The following ATP2C1 variants were observed in gnomAD, a reference collection of about 807,000 sequenced individuals.
ATP2C1 encodes the protein calcium-transporting ATPase type 2C member 1.
A neutral mutation model predicts 120.5 loss-of-function variants in ATP2C1; 31 were observed. The observed-to-expected ratio is 0.26, with a 90% confidence interval of 0.19 to 0.35. ATP2C1 has a LOEUF of 0.35. ATP2C1 is among the 10% of genes least tolerant of loss of function. ATP2C1 has a pLI of 1.00. For synonymous variants in ATP2C1, 351 were observed against 358.7 expected (o/e 0.98, Z 0.24); for missense variants, 731 against 1,107.5 (o/e 0.66, Z 4.83).
At position 130,996,697 on chromosome 3, in the gene ATP2C1, C is replaced by G; in HGVS notation, c.2144C>G (p.Thr715Ser). The change falls in exon 24 of 28, where the codon ACT becomes AGT. Residue 715 changes from threonine (T) to serine (S), a missense_variant. Physicochemically the swap from Thr to Ser is moderately conservative, Grantham distance 58. Coordinates refer to ENST00000510168, the MANE Select transcript of ATP2C1 (RefSeq NM_001378687.1). The stretch of plus-strand genomic sequence containing the variant: ...TTCAACAGGAGTATAGCAGCATTAA[C>G]TTTAATCTCATTGGCTACATTAATG... ...FQLSTSIAAL[T>S]LISLATLMNF... The G allele has an allele frequency of 6.2e-7, 1 of 1,607,154 alleles. No homozygotes were observed.
chr3:130,906,417 C>T (rs1288021616), intron 2 of ATP2C1, among the ~76,000 whole-genome samples: 1 of 152,044 alleles, frequency 6.6e-6, no homozygotes, highest in Non-Finnish European at 1.5e-5. Context: ...TATGGATATA[C>T]ACATTTTGTT....
At chr3:130,948,633 G>A (rs1220415889) in intron 8 of ATP2C1, among the ~76,000 whole-genome samples, 2 of 151,672 alleles carry the variant, frequency 1.3e-5, no homozygotes, top group Non-Finnish European at 2.9e-5. Flanking sequence ...TCTTTCTGTC[G>A]CCTTCTCTTT....
At chr3:130,861,019 C>T (rs2067996952) in intron 1 of ATP2C1, among the ~76,000 whole-genome samples, 1 of 152,142 alleles carries the variant, frequency 6.6e-6, no homozygotes, top group South Asian at 2.1e-4. Context: ...CCTGTATTCC[C>T]AACACTTTGA....
chr3:130,918,448 T>G, intron 2 of ATP2C1: 1 of 858,502 alleles, frequency 1.2e-6, no homozygotes, highest in South Asian at 1.3e-5. Context: ...CTGGAACACT[T>G]CTCAGCACCT....
In ATP2C1 at chr3:130,894,120, C is replaced by T; in HGVS notation, c.-398C>T. On this transcript the variant is annotated 5_prime_UTR_variant, in exon 1 of 28. Transcript: ENST00000510168. The surrounding 1 kb of genome is among the most constrained non-coding windows in gnomAD (Gnocchi z 4.5). Reference sequence around the variant, plus strand: ...GCCTCGCGGAGCCGGCCCGGCGGACCGTGACGGGTCCCCTCACCTCCTCTT... The same window carrying T: ...GCCTCGCGGAGCCGGCCCGGCGGACTGTGACGGGTCCCCTCACCTCCTCTT... 1 of 968,228 alleles carries T rather than the reference C, an allele frequency of 1.0e-6. No individual in the cohort carries two copies. Among genetic ancestry groups the T allele is most frequent in the South Asian group, 4.8e-5 (1 of 21,016 alleles). 60.0% of individuals were successfully genotyped at this position (968,228 alleles called of 1,614,324 possible). A position where few individuals can be genotyped will look rare whatever the true frequency, so the allele number is the denominator to read the frequency against.
At chr3:130,911,359 C>T (rs1443029025) in intron 2 of ATP2C1, among the ~76,000 whole-genome samples, 1 of 150,058 alleles carries the variant, frequency 6.7e-6, no homozygotes, top group Non-Finnish European at 1.5e-5. Flanking sequence ...ATTAGTCTTG[C>T]TAGTGGTCTA....
intron 1 of ATP2C1, among the ~76,000 whole-genome samples, chr3:130,851,391 C>T (rs2067670080): frequency 1.3e-5 from 2 of 152,268 alleles, no homozygotes; most frequent in Non-Finnish European, 2.9e-5. Flanking sequence ...CATTAACAAG[C>T]TATAAAGATC....
intron 18 of ATP2C1, among the ~76,000 whole-genome samples, chr3:130,976,146 C>A (rs1156976433): frequency 6.6e-6 from 1 of 152,090 alleles, no homozygotes; most frequent in East Asian, 1.9e-4. Context: ...AGTTGGCTTC[C>A]TTAATTTTAT....
intron 12 of ATP2C1, among the ~76,000 whole-genome samples, chr3:130,962,646 A>G (rs1358765595): frequency 6.6e-6 from 1 of 150,882 alleles, no homozygotes; most frequent in South Asian, 2.1e-4. Context: ...ACTTAAATAT[A>G]AAAGATTGAA....
intron 1 of ATP2C1, among the ~76,000 whole-genome samples, chr3:130,856,535 A>G (rs2067847046): frequency 1.3e-5 from 2 of 152,234 alleles, no homozygotes; most frequent in Non-Finnish European, 1.5e-5. Flanking sequence ...GTGTATACCA[A>G]AGCTATTCAT....
chr3:130,863,364 A>T (rs1482243649), intron 1 of ATP2C1, among the ~76,000 whole-genome samples: 1 of 152,098 alleles, frequency 6.6e-6, no homozygotes, highest in African/African-American at 2.4e-5. Flanking sequence ...ATACAAATAG[A>T]TCTCTATACT....
At chr3:130,880,719 T>C (rs957467337) in intron 1 of ATP2C1, among the ~76,000 whole-genome samples, 1 of 152,230 alleles carries the variant, frequency 6.6e-6, no homozygotes, top group Non-Finnish European at 1.5e-5. Context: ...AACCATCTCA[T>C]TGATATGGGT....
At chr3:130,934,853 C>A (rs951910917) in intron 5 of ATP2C1, 142 bp downstream of exon 5, 2 of 674,746 alleles carry the variant, frequency 3.0e-6, no homozygotes, top group East Asian at 5.5e-5. Context: ...CTTTTTGTTG[C>A]GACAGTTTCT....
chr3:130,861,412 C>T (rs1395875815), intron 1 of ATP2C1, among the ~76,000 whole-genome samples: 1 of 152,174 alleles, frequency 6.6e-6, no homozygotes, highest in Non-Finnish European at 1.5e-5. Context: ...TATTCAGAGT[C>T]AGAAGGCGTA....
At position 130,894,465 on chromosome 3, in the gene ATP2C1, A is replaced by C; in HGVS notation, c.-180-125A>C. 1 of 1,333,282 alleles carries C rather than the reference A, an allele frequency of 7.5e-7. No individual in the cohort carries two copies. The highest frequency in any genetic ancestry group is 9.6e-7 in the Non-Finnish European group (1 of 1,037,570). The allele number at this position is 1,333,282 out of a possible 1,614,324, so 82.6% of individuals were successfully genotyped here. A position where few individuals can be genotyped will look rare whatever the true frequency, so the allele number is the denominator to read the frequency against. On this transcript the variant is annotated intron_variant, in intron 1 of 27. Coordinates refer to ENST00000510168, the MANE Select transcript of ATP2C1 (RefSeq NM_001378687.1). This position sits in a 1 kb window ranked among gnomAD's most constrained non-coding sequence, Gnocchi z 4.5. ...GCCGCCCCGCTGGCGTGAGCTGGGG[A>C]CGTTGCGGGCACACGACGGGGCGGG...
chr3:130,969,815 A>G (rs2061215796), intron 17 of ATP2C1, among the ~76,000 whole-genome samples: 1 of 152,228 alleles, frequency 6.6e-6, no homozygotes, highest in South Asian at 2.1e-4. Context: ...TTTGAAAAGT[A>G]GTTTGCAAAT....
Position 131,002,188 on chromosome 3 carries a change from G to A in ATP2C1, c.*838G>A. On this transcript the variant is annotated 3_prime_UTR_variant, in exon 28 of 28. Transcript: ENST00000510168. Reference sequence around the variant, plus strand: ...TATATTAACATGTCTTCCTTTTTGAGGTAAAGATATATACTTTGTCAAATA... The same window carrying A: ...TATATTAACATGTCTTCCTTTTTGAAGTAAAGATATATACTTTGTCAAATA... 1 of 972,710 alleles carries A rather than the reference G, an allele frequency of 1.0e-6. No individual in the cohort carries two copies. The highest frequency in any genetic ancestry group is 1.2e-6 in the Non-Finnish European group (1 of 818,746). The allele number at this position is 972,710 out of a possible 1,614,324, so 60.3% of individuals were successfully genotyped here.
At chr3:130,947,510 A>G (rs532197641) in intron 8 of ATP2C1, among the ~76,000 whole-genome samples, 9 of 152,318 alleles carry the variant, frequency 5.9e-5, no homozygotes, top group African/African-American at 1.9e-4. Flanking sequence ...GACATTTCAT[A>G]TAAGTAGAAT....
intron 1 of ATP2C1, among the ~76,000 whole-genome samples, chr3:130,876,392 C>T (rs1237098099): frequency 6.6e-6 from 1 of 152,126 alleles, no homozygotes; most frequent in Non-Finnish European, 1.5e-5. Flanking sequence ...TGTTCTTTCA[C>T]TAGTGTATGT....
Sources: allele counts gnomAD v4.1 joint callset (sites outside exome capture counted in the v4.1 genomes callset), GRCh38; gene constraint gnomAD v4.1.1; non-coding constraint Gnocchi (gnomAD v3.1); transcripts MANE v1.5; gene names NCBI Gene and HGNC (gene_info 2026-07-23, HGNC 2026-07-21).